The following SMARCA2 variants were observed in gnomAD, a reference collection of about 807,000 sequenced individuals.
SMARCA2 encodes SWI/SNF-related matrix-associated actin-dependent regulator of chromatin subfamily A member 2.
SMARCA2 carries 61 observed loss-of-function variants against 199.8 expected under a neutral mutation model. The ratio of observed to expected loss-of-function variants is 0.31; its 90% CI spans 0.25 to 0.38. The LOEUF (loss-of-function observed/expected upper bound fraction) is 0.38. Among genes scored for constraint, SMARCA2 ranks in the 10% least tolerant of loss-of-function variants. SMARCA2 has a pLI of 1.00. For missense variants in SMARCA2, 1,344 were observed against 2,012.2 expected (o/e 0.67, Z 6.35); for synonymous variants, 935 against 732.0 (o/e 1.28, Z -4.48).
chr9:2,047,332 C>G lies in SMARCA2; in HGVS notation c.894C>G (p.Pro298=). The change falls in exon 5 of 34, where the codon CCC becomes CCG. Residue 298 remains proline (P), a synonymous_variant. Transcript: ENST00000349721. ...SPAPPAAAQP[P]AAAVPGPSVP... is the part of the protein sequence containing the mutation. ...CGCCCCCCGCAGCCGCGCAGCCGCC[C>G]GCGGCCGCAGTGCCCGGGCCCTCAG... 6.1e-6 allele frequency: 7 copies of G among 1,147,676 alleles called. No individual in the cohort carries two copies. The highest frequency in any genetic ancestry group is 7.6e-6 in the Non-Finnish European group (7 of 922,860). The allele number at this position is 1,147,676 out of a possible 1,614,324, so 71.1% of individuals were successfully genotyped here.
intron 9 of SMARCA2, among the ~76,000 whole-genome samples, chr9:2,062,383 A>T (rs12338383): frequency 0.036 from 5,537 of 152,260 alleles, 330 homozygotes; most frequent in African/African-American, 0.13. Flanking sequence ...TAGTATTAAA[A>T]TTTTTGTATT....
At position 2,123,614 on chromosome 9, in the gene SMARCA2, G is replaced by C; in HGVS notation, c.3763-105G>C. ...AACCAGGATGAGAGAGGTTGAAAGGGACCCTGCAGCCATAGGAAGTGACTT... is the reference window on the plus strand; with the variant it reads ...AACCAGGATGAGAGAGGTTGAAAGGCACCCTGCAGCCATAGGAAGTGACTT... On this transcript the variant is annotated intron_variant, in intron 26 of 33. Transcript: ENST00000349721. This position sits in a 1 kb window ranked among gnomAD's most constrained non-coding sequence, Gnocchi z 4.1. The C allele has an allele frequency of 2.1e-6, 2 of 947,910 alleles. No individual in the cohort carries two copies. Among genetic ancestry groups the C allele is most frequent in the Non-Finnish European group, 3.3e-6 (2 of 597,706 alleles). The allele number at this position is 947,910 out of a possible 1,614,324, so 58.7% of individuals were successfully genotyped here. A position where few individuals can be genotyped will look rare whatever the true frequency, so the allele number is the denominator to read the frequency against.
chr9:2,100,651 T>C (rs1270239334), intron 21 of SMARCA2, among the ~76,000 whole-genome samples: 1 of 151,066 alleles, frequency 6.6e-6, no homozygotes, highest in Non-Finnish European at 1.5e-5. Flanking sequence ...TGCAATGAGC[T>C]GAGACTGCGC....
At chr9:2,137,604 A>G (rs902681440) in intron 27 of SMARCA2, among the ~76,000 whole-genome samples, 2 of 152,168 alleles carry the variant, frequency 1.3e-5, no homozygotes, top group Non-Finnish European at 1.5e-5. Flanking sequence ...GCAACAAGTC[A>G]TATCACCTAT....
intron 28 of SMARCA2, among the ~76,000 whole-genome samples, chr9:2,168,033 CTTTTTTTTT>C (rs367986975): frequency 7.2e-6 from 1 of 138,810 alleles, no homozygotes; most frequent in Admixed American, 7.2e-5. Flanking sequence ...TTTTCTTTTT[CTTTTTTTTT>C]TTTTTTTGAG....
intron 29 of SMARCA2, among the ~76,000 whole-genome samples, chr9:2,175,826 G>A (rs1416797526): frequency 6.6e-6 from 1 of 152,002 alleles, no homozygotes; most frequent in East Asian, 1.9e-4. Flanking sequence ...TGTTGAGGTT[G>A]AAGTTGTACT....
chr9:2,048,100 C>G (rs1819956209), intron 5 of SMARCA2: 1 of 152,176 alleles, frequency 6.6e-6, no homozygotes. Context: ...CACCTCTACC[C>G]TTGCAGTGTG....
chr9:2,142,510 C>G (rs375336004), intron 27 of SMARCA2, among the ~76,000 whole-genome samples: 7 of 152,226 alleles, frequency 4.6e-5, no homozygotes, highest in African/African-American at 1.7e-4. Context: ...TGGTGTGTAA[C>G]TTCAGCAAGG....
rs376620027 is a variant in SMARCA2, at chr9:2,151,842, G to A, written c.3982-9844G>A. The stretch of plus-strand genomic sequence containing the variant: ...CTCAATATATTTTAATTTAAATTGC[G>A]CTAGGAACAGAAAACCACTTATGAT... On this transcript the variant is annotated intron_variant, in intron 27 of 33. Coordinates refer to ENST00000349721, the MANE Select transcript of SMARCA2 (RefSeq NM_003070.5). Among the ~76,000 whole-genome samples, 21 of 152,100 alleles carry A rather than the reference G, an allele frequency of 1.4e-4. No homozygotes were observed. The South Asian group carries it at 3.7e-3, about 27-fold the overall frequency.
intron 31 of SMARCA2, among the ~76,000 whole-genome samples, chr9:2,184,811 T>G (rs1827317847): frequency 6.6e-6 from 1 of 152,100 alleles, no homozygotes; most frequent in Admixed American, 6.5e-5. Flanking sequence ...CCAGCTCAAC[T>G]CTGATGTCTC....
intron 1 of SMARCA2, chr9:2,021,863 G>GGTA (rs968416420): frequency 1.5e-4 from 23 of 152,258 alleles, no homozygotes; most frequent in African/African-American, 5.1e-4. Flanking sequence ...GAGCTGATGG[G>GGTA]GTAGATAAGG....
chr9:2,160,643 C>G (rs1436683504), intron 27 of SMARCA2: 1 of 700,386 alleles, frequency 1.4e-6, no homozygotes, highest in Non-Finnish European at 2.6e-6. Context: ...GATTAGAGCT[C>G]TTTCAGCTAC....
At chr9:2,026,118 C>T (rs1818818034) in intron 1 of SMARCA2, among the ~76,000 whole-genome samples, 1 of 152,082 alleles carries the variant, frequency 6.6e-6, no homozygotes, top group Non-Finnish European at 1.5e-5. Flanking sequence ...TGGTGGTGAC[C>T]CTGAGACCAG....
intron 25 of SMARCA2, 48 bp downstream of exon 25, chr9:2,116,097 T>C (rs1011367684): frequency 2.8e-5 from 39 of 1,373,426 alleles, no homozygotes; most frequent in Non-Finnish European, 3.8e-5. Context: ...TGGCCTTTTG[T>C]CTCTGAAGGA....
At chr9:2,190,693 A>T (rs1005870573) in intron 32 of SMARCA2, among the ~76,000 whole-genome samples, 1 of 151,910 alleles carries the variant, frequency 6.6e-6, no homozygotes, top group South Asian at 2.1e-4. Flanking sequence ...GGACATAAAC[A>T]TTTTTTTTCC....
chr9:2,159,001 T>C lies in SMARCA2; in HGVS notation c.3982-2685T>C, dbSNP rs760639306. 1.7e-5 allele frequency: 27 copies of C among 1,611,326 alleles called. No homozygotes were observed. The East Asian group carries it at 5.4e-4, about 32-fold the overall frequency. On this transcript the variant is annotated intron_variant, in intron 27 of 33. Transcript: ENST00000349721. Reference sequence around the variant, plus strand: ...ATGGTCAGTACTTTGTGTGTTTCCTTGTAATTCCAAAACCTAAATTTAATA... The same window carrying C: ...ATGGTCAGTACTTTGTGTGTTTCCTCGTAATTCCAAAACCTAAATTTAATA...
At position 2,123,332 on chromosome 9, in the gene SMARCA2, A is replaced by G. The variant is rs533865776; in HGVS notation, c.3763-387A>G. On this transcript the variant is annotated intron_variant, in intron 26 of 33. Coordinates refer to ENST00000349721, the MANE Select transcript of SMARCA2 (RefSeq NM_003070.5). This position sits in a 1 kb window ranked among gnomAD's most constrained non-coding sequence, Gnocchi z 4.1. ...TAAAGATCTTTCTTTTCTTTACTCA[A>G]AGAATAAGTTTCTTCCAGGGAAGCA... is the stretch of plus-strand genomic sequence containing the variant. Among the ~76,000 whole-genome samples the G allele has an allele frequency of 6.6e-6, 1 of 152,166 alleles. No homozygotes were observed. The highest frequency in any genetic ancestry group is 2.4e-5 in the African/African-American group (1 of 41,436).
At chr9:2,174,149 C>G (rs1826406936) in intron 29 of SMARCA2, among the ~76,000 whole-genome samples, 1 of 152,108 alleles carries the variant, frequency 6.6e-6, no homozygotes, top group Non-Finnish European at 1.5e-5. Context: ...TTAGCCTGGC[C>G]CTGAAGCCCC....
intron 27 of SMARCA2, among the ~76,000 whole-genome samples, chr9:2,138,324 A>G (rs1824306579): frequency 6.6e-6 from 1 of 151,884 alleles, no homozygotes; most frequent in Non-Finnish European, 1.5e-5. Flanking sequence ...ATGTTAAAGA[A>G]TGAATTGTCA....
Sources: allele counts gnomAD v4.1 joint callset (sites outside exome capture counted in the v4.1 genomes callset), GRCh38; gene constraint gnomAD v4.1.1; non-coding constraint Gnocchi (gnomAD v3.1); transcripts MANE v1.5; gene names NCBI Gene and HGNC (gene_info 2026-07-23, HGNC 2026-07-21).